The following PCDHA4 variants were observed in gnomAD, a reference collection of about 807,000 sequenced individuals.
The protein encoded by PCDHA4 is protocadherin alpha-4.
In PCDHA4, 49 loss-of-function variants were observed where a neutral mutation model predicts 61.4. That is an observed-to-expected ratio of 0.80 (90% CI 0.63 to 1.01). The LOEUF (loss-of-function observed/expected upper bound fraction) is 1.01. Ranked by LOEUF, PCDHA4 falls within the 50% of genes least tolerant of loss-of-function variation. The pLI is 0.00. For missense variants in PCDHA4, 1,254 were observed against 1,235.8 expected, an observed-to-expected ratio of 1.01 and a Z score of -0.22; for synonymous variants, 590 against 550.3, an observed-to-expected ratio of 1.07 and a Z score of -1.01.
intron 1 of PCDHA4, chr5:140,855,866 C>T: frequency 2.5e-6 from 2 of 802,280 alleles, no homozygotes; most frequent in Middle Eastern, 2.5e-4. Flanking sequence ...TCGCTGTCGT[C>T]CACAAAATAG....
At chr5:140,869,928 A>G (rs1554163617) in intron 1 of PCDHA4, 1 of 1,611,726 alleles carries the variant, frequency 6.2e-7, no homozygotes, top group Middle Eastern at 1.6e-4. Context: ...GAGTCAATGG[A>G]GAGGTAACAT....
chr5:140,968,629 T>C, intron 1 of PCDHA4: 1 of 1,614,174 alleles, frequency 6.2e-7, no homozygotes, highest in Non-Finnish European at 8.5e-7. Context: ...CTTGGCTTTT[T>C]TACCATCTAG....
intron 1 of PCDHA4, among the ~76,000 whole-genome samples, chr5:140,914,270 ATATATT>A (rs1554196274): frequency 6.6e-6 from 1 of 152,146 alleles, no homozygotes; most frequent in Non-Finnish European, 1.5e-5. Context: ...GTGGGTGCAT[ATATATT>A]TATAATTGTT....
At chr5:140,820,946 A>G (rs1766863705) in intron 1 of PCDHA4, among the ~76,000 whole-genome samples, 1 of 152,114 alleles carries the variant, frequency 6.6e-6, no homozygotes, top group Admixed American at 6.5e-5. Context: ...AAATATCCCC[A>G]TTACAGTTTT....
intron 1 of PCDHA4, chr5:140,876,199 G>A (rs1343468592): frequency 6.2e-7 from 1 of 1,613,822 alleles, no homozygotes; most frequent in African/African-American, 1.3e-5. Context: ...TCCGGCGTTT[G>A]ATAAGCCCAG....
rs782516629 is a variant in PCDHA4, at chr5:140,876,277, C to G, written c.2385+66705C>G. 5 of 1,613,988 alleles carry G rather than the reference C, an allele frequency of 3.1e-6. No homozygotes were observed. The highest frequency in any genetic ancestry group is 2.2e-5 in the East Asian group (1 of 44,886). Reference sequence around the variant, plus strand: ...AGTGATCCAACTAAATGCTTCCGATCCAGACGAAGGACTTAATGGAGAAAT... The same window carrying G: ...AGTGATCCAACTAAATGCTTCCGATGCAGACGAAGGACTTAATGGAGAAAT... On this transcript the variant is annotated intron_variant, in intron 1 of 3. Transcript: ENST00000530339.
intron 1 of PCDHA4, chr5:140,821,518 A>G (rs2150109679): frequency 2.5e-6 from 1 of 404,992 alleles, no homozygotes. Flanking sequence ...TAAATAAAGC[A>G]AAACAAAATA....
intron 1 of PCDHA4, chr5:140,968,672 G>A: frequency 6.2e-7 from 1 of 1,614,180 alleles, no homozygotes; most frequent in Non-Finnish European, 8.5e-7. Context: ...CTTTAAGGTA[G>A]AGCTGCACAC....
chr5:140,836,170 C>T lies in PCDHA4; in HGVS notation c.2385+26598C>T. 1.9e-6 allele frequency: 3 copies of T among 1,613,826 alleles called. 1 individual carries two copies. The highest frequency in any genetic ancestry group is 2.5e-6 in the Non-Finnish European group (3 of 1,179,794). On this transcript the variant is annotated intron_variant, in intron 1 of 3. Transcript: ENST00000530339. ...GGCCATGTGGTGGCGAAGGTACGTG[C>T]AGTTGACGCTGACTCAGGCTACAAC...
intron 1 of PCDHA4, chr5:140,848,054 T>TA (rs1554141984): frequency 1.2e-5 from 2 of 162,052 alleles, no homozygotes; most frequent in African/African-American, 4.9e-5. Context: ...TTTTAATTGT[T>TA]ACTTCATTTC....
At chr5:141,009,166 T>C (rs949376056) in intron 3 of PCDHA4, among the ~76,000 whole-genome samples, 98 of 152,230 alleles carry the variant, frequency 6.4e-4, no homozygotes, top group African/African-American at 2.2e-3. Context: ...CTGTAAATAC[T>C]GGCCTTGGCT....
chr5:140,843,637 C>T (rs1289295729), intron 1 of PCDHA4: 2 of 1,595,812 alleles, frequency 1.3e-6, no homozygotes, highest in East Asian at 2.2e-5. Flanking sequence ...TCATGGCCTT[C>T]AGCCCCTGCC....
At chr5:140,987,022 T>C (rs1218338191) in intron 3 of PCDHA4, among the ~76,000 whole-genome samples, 1 of 152,068 alleles carries the variant, frequency 6.6e-6, no homozygotes, top group African/African-American at 2.4e-5. Flanking sequence ...GAGACCAGCC[T>C]GGTCAACATG....
intron 3 of PCDHA4, among the ~76,000 whole-genome samples, chr5:141,000,771 G>A (rs1318485268): frequency 2.0e-5 from 3 of 151,790 alleles, no homozygotes; most frequent in Non-Finnish European, 4.4e-5. Context: ...GCCAGGCATA[G>A]TGGCGCACAC....
chr5:140,922,790 C>G (rs1174493923), intron 1 of PCDHA4, among the ~76,000 whole-genome samples: 3 of 152,074 alleles, frequency 2.0e-5, no homozygotes, highest in African/African-American at 7.2e-5. Flanking sequence ...AAAACTGTAG[C>G]TTTGGAATAC....
At chr5:140,966,874 A>C (rs782520756) in intron 1 of PCDHA4, 275 of 1,584,454 alleles carry the variant, frequency 1.7e-4, no homozygotes, top group Non-Finnish European at 2.3e-4. Flanking sequence ...TGCTGCTGCT[A>C]CCTGGCCCTG....
chr5:140,828,025 G>T, intron 1 of PCDHA4: 1 of 1,517,256 alleles, frequency 6.6e-7, no homozygotes, highest in Non-Finnish European at 8.8e-7. Context: ...AATAAATTCC[G>T]GAACATACAG....
chr5:140,899,491 A>T (rs1333944586), intron 1 of PCDHA4, among the ~76,000 whole-genome samples: 1 of 152,196 alleles, frequency 6.6e-6, no homozygotes, highest in East Asian at 1.9e-4. Flanking sequence ...GCTGGATTAC[A>T]TTTATTGATT....
chr5:140,935,157 A>G (rs982054485), intron 1 of PCDHA4, among the ~76,000 whole-genome samples: 1 of 152,214 alleles, frequency 6.6e-6, no homozygotes, highest in Non-Finnish European at 1.5e-5. Context: ...TATAATCTCA[A>G]CAACAGGTGT....
Sources: allele counts gnomAD v4.1 joint callset (sites outside exome capture counted in the v4.1 genomes callset), GRCh38; gene constraint gnomAD v4.1.1; transcripts MANE v1.5; gene names NCBI Gene and HGNC (gene_info 2026-07-23, HGNC 2026-07-21).